Variants in ASCC3 observed in about 807,000 individuals in gnomAD.
ASCC3 encodes the protein activating signal cointegrator 1 complex subunit 3, also known as ASC-1 complex subunit P200.
In ASCC3, 158 loss-of-function variants were observed where a neutral mutation model predicts 256.3. That is an observed-to-expected ratio of 0.62 (90% CI 0.54 to 0.70). The LOEUF (loss-of-function observed/expected upper bound fraction) is 0.70, where lower values mean the gene tolerates loss of function less well. Among genes scored for constraint, ASCC3 ranks in the 30% least tolerant of loss-of-function variants. ASCC3 has a pLI of 0.00. For missense variants in ASCC3, 2,259 were observed against 2,626.0 expected (o/e 0.86, Z 3.05); for synonymous variants, 948 against 883.4 (o/e 1.07, Z -1.30).
intron 11 of ASCC3, among the ~76,000 whole-genome samples, chr6:100,723,871 TA>T (rs1779465951): frequency 3.1e-5 from 1 of 31,996 alleles, no homozygotes; most frequent in African/African-American, 1.9e-4. Context: ...TATATATATA[TA>T]TATATATATA....
intron 25 of ASCC3, among the ~76,000 whole-genome samples, chr6:100,633,680 A>G (rs1028998310): frequency 6.6e-6 from 1 of 151,542 alleles, no homozygotes; most frequent in African/African-American, 2.4e-5. Flanking sequence ...AGCCTGATCA[A>G]CATGGAGAAA....
chr6:100,802,719 G>C (rs1769977327), intron 5 of ASCC3, among the ~76,000 whole-genome samples: 1 of 152,008 alleles, frequency 6.6e-6, no homozygotes, highest in African/African-American at 2.4e-5. Context: ...GCAGAATCAG[G>C]CTGGGCACTG....
chr6:100,706,937 G>A (rs1778614472), intron 13 of ASCC3, among the ~76,000 whole-genome samples: 1 of 151,702 alleles, frequency 6.6e-6, no homozygotes, highest in South Asian at 2.1e-4. Flanking sequence ...TTGCCTTATT[G>A]GCTTAGTACT....
Position 100,638,747 on chromosome 6 carries a change from G to T in ASCC3, c.3976C>A (p.His1326Asn). 6.2e-7 allele frequency: 1 copy of T among 1,614,096 alleles called. No individual in the cohort carries two copies. Among genetic ancestry groups the T allele is most frequent in the Non-Finnish European group, 8.5e-7 (1 of 1,179,986 alleles). ...ATTTGTGTCTGTACAGGGTTAAAGT[G>T]GCTGAAGTTGTACAGGGCTTCATAT... ...KAYEALYNFSHFNPVQTQIFH... is the reference protein window; with the variant it reads ...KAYEALYNFSNFNPVQTQIFH... The change falls in exon 25 of 42, where the codon CAC (histidine) becomes AAC (asparagine). Residue 1326 changes from histidine to asparagine, a missense_variant. By Grantham distance (68) the His-to-Asn change is moderately conservative. Around this residue, in one of 2 missense-constraint regions of ASCC3, gnomAD observed 1,839 missense variants for 2,206.7 expected, o/e 0.83. Transcript: ENST00000369162.
intron 37 of ASCC3, among the ~76,000 whole-genome samples, chr6:100,520,182 G>A (rs1774231588): frequency 6.6e-6 from 1 of 152,030 alleles, no homozygotes; most frequent in East Asian, 1.9e-4. Context: ...CATTGTTACC[G>A]AAGTGAATTG....
At chr6:100,705,963 T>C (rs556487388) in intron 13 of ASCC3, among the ~76,000 whole-genome samples, 19 of 152,088 alleles carry the variant, frequency 1.2e-4, no homozygotes, top group Non-Finnish European at 1.8e-4. Flanking sequence ...TGCACTAATA[T>C]GTAGTTAGTT....
intron 13 of ASCC3, among the ~76,000 whole-genome samples, chr6:100,712,940 A>G (rs540677477): frequency 4.6e-5 from 7 of 151,670 alleles, no homozygotes; most frequent in Admixed American, 1.3e-4. Context: ...TTGTATTTTC[A>G]GTAGAGACAG....
At chr6:100,840,266 T>A (rs920657837) in intron 4 of ASCC3, among the ~76,000 whole-genome samples, 5 of 152,140 alleles carry the variant, frequency 3.3e-5, no homozygotes, top group Non-Finnish European at 5.9e-5. Context: ...GTATGCAAAA[T>A]TTTTAGTGAT....
chr6:100,575,510 A>T (rs1770813383), intron 36 of ASCC3, among the ~76,000 whole-genome samples: 1 of 152,086 alleles, frequency 6.6e-6, no homozygotes, highest in Non-Finnish European at 1.5e-5. Context: ...CTAAACCTAG[A>T]CATTTATTGA....
At chr6:100,570,541 T>C (rs1193059548) in intron 36 of ASCC3, among the ~76,000 whole-genome samples, 1 of 152,202 alleles carries the variant, frequency 6.6e-6, no homozygotes, top group African/African-American at 2.4e-5. Flanking sequence ...TTTTTGCTTA[T>C]TGTTCCTCAC....
Position 100,725,704 on chromosome 6 carries a change from C to T in ASCC3, c.1738-1G>A. On this transcript the variant is annotated splice_acceptor_variant, in intron 10 of 41. Coordinates refer to ENST00000369162, the MANE Select transcript of ASCC3 (RefSeq NM_006828.4). LOFTEE classifies it high-confidence loss of function. ...ATTTTTCTGGTGTGGTCACAAGCAT[C>T]TATAAGAGAAGACACATTTTAAAAG... 6.2e-7 allele frequency: 1 copy of T among 1,612,116 alleles called. No homozygotes were observed. Among genetic ancestry groups the T allele is most frequent in the Non-Finnish European group, 8.5e-7 (1 of 1,178,740 alleles).
intron 18 of ASCC3, 87 bp downstream of exon 18, chr6:100,652,638 G>T: frequency 7.6e-7 from 1 of 1,322,002 alleles, no homozygotes; most frequent in Non-Finnish European, 1.1e-6. Flanking sequence ...TCTATTATTT[G>T]CTTTCATTAT....
intron 10 of ASCC3, among the ~76,000 whole-genome samples, chr6:100,742,797 T>G (rs1780498647): frequency 6.6e-6 from 1 of 152,198 alleles, no homozygotes; most frequent in Non-Finnish European, 1.5e-5. Context: ...AACTCCATCC[T>G]GTTTCAGGTA....
intron 14 of ASCC3, among the ~76,000 whole-genome samples, chr6:100,673,164 T>G (rs188089345): frequency 5.9e-5 from 9 of 152,212 alleles, no homozygotes; most frequent in African/African-American, 1.7e-4. Context: ...TAGAAATAAG[T>G]TGGCATTCCA....
At chr6:100,733,073 T>C (rs976006503) in intron 10 of ASCC3, among the ~76,000 whole-genome samples, 5 of 152,110 alleles carry the variant, frequency 3.3e-5, no homozygotes, top group Non-Finnish European at 5.9e-5. Context: ...AAAGCAAATA[T>C]GATGAAAGTA....
At chr6:100,843,795 G>A (rs181101564) in intron 4 of ASCC3, among the ~76,000 whole-genome samples, 1 of 151,904 alleles carries the variant, frequency 6.6e-6, no homozygotes, top group Admixed American at 6.6e-5. Flanking sequence ...TTAAGACCTC[G>A]CTTTTAAATA....
chr6:100,526,880 T>C (rs374235787), intron 37 of ASCC3, among the ~76,000 whole-genome samples: 1 of 152,322 alleles, frequency 6.6e-6, no homozygotes, highest in East Asian at 1.9e-4. Flanking sequence ...CCTTCATCTC[T>C]ATGAATTTGA....
intron 23 of ASCC3, among the ~76,000 whole-genome samples, chr6:100,643,060 A>G (rs1775208221): frequency 6.6e-6 from 1 of 152,114 alleles, no homozygotes; most frequent in Non-Finnish European, 1.5e-5. Flanking sequence ...TAACTTCATG[A>G]TTTTTACCTT....
chr6:100,569,857 G>C (rs1770495571), intron 36 of ASCC3, among the ~76,000 whole-genome samples: 3 of 152,112 alleles, frequency 2.0e-5, no homozygotes, highest in Admixed American at 2.0e-4. Context: ...CATTAAATCT[G>C]TAGATTGCTT....
Sources: allele counts gnomAD v4.1 joint callset (sites outside exome capture counted in the v4.1 genomes callset), GRCh38; gene constraint gnomAD v4.1.1; regional missense constraint gnomAD v4.1.1; transcripts MANE v1.5; gene names NCBI Gene and HGNC (gene_info 2026-07-23, HGNC 2026-07-21).